CDH8: variants seen among roughly 807,000 people sequenced by gnomAD.
The protein encoded by CDH8 is cadherin-8.
CDH8 carries 17 observed loss-of-function variants against 68.1 expected under a neutral mutation model. The observed-to-expected ratio is 0.25, with a 90% CI of 0.17 to 0.37. The LOEUF is 0.37. Ranked by LOEUF, CDH8 falls within the 10% of genes least tolerant of loss-of-function variation. CDH8 has a pLI of 1.00. For missense variants in CDH8, 763 were observed against 999.3 expected (o/e 0.76, Z 3.19); for synonymous variants, 372 against 365.1 (o/e 1.02, Z -0.21).
At position 61,703,498 on chromosome 16, in the gene CDH8, C is replaced by T. The variant is rs116534999; in HGVS notation, c.1654+10343G>A. Among the ~76,000 whole-genome samples, 394 of 152,234 alleles carry T rather than the reference C, an allele frequency of 2.6e-3. 4 individuals carry two copies. Among genetic ancestry groups the T allele is most frequent in the African/African-American group, 9.2e-3 (381 of 41,546 alleles). Reference sequence around the variant, plus strand: ...TCACAATATATGTTTCAAAACATGGCCAAAGTTACTTTTTATTTCTTTATC... The same window carrying T: ...TCACAATATATGTTTCAAAACATGGTCAAAGTTACTTTTTATTTCTTTATC... On this transcript the variant is annotated intron_variant, in intron 10 of 11. Coordinates refer to ENST00000577390, the MANE Select transcript of CDH8 (RefSeq NM_001796.5).
chr16:61,706,619 T>TCAAAAAAA (rs1964539111), intron 10 of CDH8, among the ~76,000 whole-genome samples: 1 of 31,310 alleles, frequency 3.2e-5, no homozygotes, highest in Non-Finnish European at 5.5e-5. Context: ...AGACTCTGTC[T>TCAAAAAAA]CAAAAAAAAA....
chr16:61,658,588 A>G (rs916883727), intron 10 of CDH8, among the ~76,000 whole-genome samples: 1 of 152,036 alleles, frequency 6.6e-6, no homozygotes, highest in South Asian at 2.1e-4. Flanking sequence ...TTCTGTTTCA[A>G]TAATCTGATT....
intron 2 of CDH8, among the ~76,000 whole-genome samples, chr16:62,008,573 T>G (rs1201148938): frequency 6.6e-6 from 1 of 152,096 alleles, no homozygotes; most frequent in Admixed American, 6.6e-5. Context: ...ATCATACAGC[T>G]CACTGCAGCC....
chr16:61,996,456 C>T lies in CDH8; in HGVS notation c.252+24696G>A, dbSNP rs962539041. On this transcript the variant is annotated intron_variant, in intron 2 of 11. Transcript: ENST00000577390. The stretch of plus-strand genomic sequence containing the variant: ...TTAAAAGAGCATTAATGTACTAACT[C>T]ATCACATTTAAAGGTGCTCATCAAC... Among the ~76,000 whole-genome samples, 9 of 152,114 alleles carry T rather than the reference C, an allele frequency of 5.9e-5. No homozygotes were observed. The East Asian group carries it at 7.7e-4, about 13-fold the overall frequency.
chr16:61,872,517 A>G (rs923516836), intron 3 of CDH8, among the ~76,000 whole-genome samples: 3 of 152,242 alleles, frequency 2.0e-5, no homozygotes, highest in Non-Finnish European at 2.9e-5. Flanking sequence ...GAATGCCTGG[A>G]TTACTTTAAG....
At chr16:61,801,575 G>A (rs1423953333) in intron 7 of CDH8, among the ~76,000 whole-genome samples, 1 of 152,210 alleles carries the variant, frequency 6.6e-6, no homozygotes, top group Non-Finnish European at 1.5e-5. Flanking sequence ...TCACTAGGGA[G>A]TGCCAGACAG....
chr16:61,684,687 G>A (rs1206280106), intron 10 of CDH8, among the ~76,000 whole-genome samples: 1 of 151,962 alleles, frequency 6.6e-6, no homozygotes. Context: ...GCGCTGTACT[G>A]CAGGAGGTGC....
chr16:61,972,967 T>C (rs528166501), intron 2 of CDH8, among the ~76,000 whole-genome samples: 1 of 152,198 alleles, frequency 6.6e-6, no homozygotes, highest in Non-Finnish European at 1.5e-5. Flanking sequence ...AAAAGCTACT[T>C]TCTCCAAGTA....
chr16:61,830,163 T>G (rs757695414), intron 4 of CDH8, among the ~76,000 whole-genome samples: 6 of 151,830 alleles, frequency 4.0e-5, no homozygotes, highest in Non-Finnish European at 8.8e-5. Context: ...TGAAAAGAAA[T>G]GTGTTTGATG....
chr16:61,785,012 A>T (rs1961201400), intron 8 of CDH8, among the ~76,000 whole-genome samples: 1 of 149,700 alleles, frequency 6.7e-6, no homozygotes, highest in Admixed American at 6.7e-5. Context: ...ACACCCTAAC[A>T]TCACAATTAA....
At chr16:61,912,934 AAAC>A (rs1964184208) in intron 2 of CDH8, among the ~76,000 whole-genome samples, 1 of 152,202 alleles carries the variant, frequency 6.6e-6, no homozygotes, top group Admixed American at 6.6e-5. Flanking sequence ...TTTAAAAAGA[AAAC>A]AATTTTTAAA....
chr16:61,799,932 G>A (rs1027093360), intron 7 of CDH8, among the ~76,000 whole-genome samples: 21 of 151,974 alleles, frequency 1.4e-4, no homozygotes, highest in African/African-American at 3.6e-4. Flanking sequence ...AAGGTCTCAC[G>A]AGGTCTCCCT....
chr16:61,710,488 A>G (rs1964611175), intron 10 of CDH8, among the ~76,000 whole-genome samples: 3 of 152,058 alleles, frequency 2.0e-5, no homozygotes, highest in Admixed American at 1.3e-4. Context: ...TATCAACAAT[A>G]TTTCAGTCAA....
rs916325780 is a variant in CDH8 at position 61,648,822 on chromosome 16, T to G, written c.*4786A>C. On this transcript the variant is annotated 3_prime_UTR_variant, in exon 12 of 12. Coordinates refer to ENST00000577390, the MANE Select transcript of CDH8 (RefSeq NM_001796.5). ...AGTCAGGAAATTTTTAAATTTTATG[T>G]CCTCCATAACGCTAGGTCTGTGCTC... The G allele has an allele frequency of 6.6e-5, 10 of 151,962 alleles. No homozygotes were observed. The highest frequency in any genetic ancestry group is 1.3e-4 in the Non-Finnish European group (9 of 67,914). 9.4% of individuals were successfully genotyped at this position (151,962 alleles called of 1,614,324 possible). A position where few individuals can be genotyped will look rare whatever the true frequency, so the allele number is the denominator to read the frequency against.
chr16:61,945,363 G>A (rs1451680772), intron 2 of CDH8, among the ~76,000 whole-genome samples: 2 of 150,564 alleles, frequency 1.3e-5, no homozygotes, highest in African/African-American at 4.9e-5. Flanking sequence ...GAGACACATG[G>A]TAGCTGGCAG....
chr16:61,991,874 T>C (rs946016418), intron 2 of CDH8, among the ~76,000 whole-genome samples: 3 of 152,166 alleles, frequency 2.0e-5, no homozygotes, highest in Non-Finnish European at 4.4e-5. Context: ...ACTGGTCTAA[T>C]CTGATTGCTA....
chr16:61,699,989 A>T (rs531286112), intron 10 of CDH8, among the ~76,000 whole-genome samples: 2 of 152,302 alleles, frequency 1.3e-5, no homozygotes, highest in African/African-American at 2.4e-5. Flanking sequence ...AGATATATAT[A>T]TTTTATGTTG....
intron 3 of CDH8, among the ~76,000 whole-genome samples, chr16:61,886,004 A>G (rs1597042099): frequency 6.6e-6 from 1 of 152,154 alleles, no homozygotes; most frequent in Admixed American, 6.6e-5. Flanking sequence ...CTCTGGTTCT[A>G]TCTCCCAGTT....
chr16:62,023,106 C>A (rs1425228380), intron 1 of CDH8, among the ~76,000 whole-genome samples: 1 of 152,318 alleles, frequency 6.6e-6, no homozygotes, highest in Non-Finnish European at 1.5e-5. Flanking sequence ...AAGTCTTTCT[C>A]TCATCCCAGT....
Sources: allele counts gnomAD v4.1 joint callset (sites outside exome capture counted in the v4.1 genomes callset), GRCh38; gene constraint gnomAD v4.1.1; transcripts MANE v1.5; gene names NCBI Gene and HGNC (gene_info 2026-07-23, HGNC 2026-07-21).